The following SLC6A9 variants were observed in gnomAD, a reference collection of about 807,000 sequenced individuals.
SLC6A9 encodes the protein solute carrier family 6 member 9.
A neutral mutation model predicts 70.9 loss-of-function variants in SLC6A9; 31 were observed. The observed-to-expected ratio is 0.44, with a 90% CI of 0.33 to 0.59. The LOEUF (loss-of-function observed/expected upper bound fraction) is 0.59. Among genes scored for constraint, SLC6A9 ranks in the 20% least tolerant of loss-of-function variants. SLC6A9 has a pLI of 0.04. For synonymous variants in SLC6A9, 310 were observed against 341.3 expected (o/e 0.91, Z 1.01); for missense variants, 631 against 845.2 (o/e 0.75, Z 3.14).
intron 1 of SLC6A9, among the ~76,000 whole-genome samples, chr1:44,027,425 C>T (rs1355100122): frequency 1.3e-5 from 2 of 152,232 alleles, no homozygotes; most frequent in African/African-American, 4.8e-5. Flanking sequence ...ATGTTCCTCC[C>T]CTCCAATCTG....
At chr1:44,029,462 T>C (rs1208152027) in intron 1 of SLC6A9, among the ~76,000 whole-genome samples, 1 of 152,202 alleles carries the variant, frequency 6.6e-6, no homozygotes, top group Non-Finnish European at 1.5e-5. Context: ...TTCATGCCTT[T>C]GCCCCGGCAC....
intron 2 of SLC6A9, among the ~76,000 whole-genome samples, chr1:44,023,886 A>C (rs2086932744): frequency 6.6e-6 from 1 of 152,158 alleles, no homozygotes; most frequent in South Asian, 2.1e-4. Flanking sequence ...AGAAGTGGAG[A>C]AAAACCAGGC....
chr1:44,014,953 A>G (rs758139046), intron 2 of SLC6A9: 4 of 152,092 alleles, frequency 2.6e-5, no homozygotes, highest in Non-Finnish European at 4.4e-5. Context: ...GATCTGCCAG[A>G]TTCCCAGGCT....
At chr1:44,010,992 G>A (rs955073694) in intron 2 of SLC6A9, 110 bp from the exon 3 acceptor site, 2 of 1,156,482 alleles carry the variant, frequency 1.7e-6, no homozygotes, top group Non-Finnish European at 2.5e-6. Context: ...CCCCTCCCCG[G>A]GCTTCCCCTC....
intron 2 of SLC6A9, among the ~76,000 whole-genome samples, chr1:44,015,169 A>T (rs1557687951): frequency 6.6e-6 from 1 of 152,236 alleles, no homozygotes. Flanking sequence ...GTAAAGAGGA[A>T]ATGCAGCAAC....
rs549038505 is a variant in SLC6A9, at chr1:44,000,736, GGGGAAGGGAGGGGCCGGCCA to G, written c.1536+11_1536+30del. The G allele has an allele frequency of 5.2e-4, 737 of 1,418,098 alleles. 3 individuals are homozygous for G. The African/African-American group carries it at 9.7e-3, about 19-fold the overall frequency. 87.8% of individuals were successfully genotyped at this position (1,418,098 alleles called of 1,614,324 possible). The stretch of plus-strand genomic sequence containing the variant: ...ATGGACACATGGCCAAGGGGCAGCG[GGGGAAGGGAGGGGCCGGCCA>G]GGGAACTCACGAAGATGATGGCGGG... On this transcript the variant is annotated intron_variant, in intron 12 of 13. Transcript: ENST00000372310.
intron 12 of SLC6A9, among the ~76,000 whole-genome samples, chr1:43,998,418 C>T (rs982677317): frequency 2.6e-5 from 4 of 152,188 alleles, no homozygotes; most frequent in African/African-American, 9.7e-5. Flanking sequence ...CCACACTACT[C>T]CGCCCTCAGT....
At chr1:44,017,344 T>C in intron 2 of SLC6A9, 1 of 1,376,818 alleles carries the variant, frequency 7.3e-7, no homozygotes, top group African/African-American at 1.5e-5. Flanking sequence ...TGTTTTTCCC[T>C]TGTTCCCAGC....
intron 2 of SLC6A9, chr1:44,011,681 G>T (rs761647740): frequency 1.9e-6 from 3 of 1,614,096 alleles, no homozygotes; most frequent in Non-Finnish European, 2.5e-6. Context: ...CTCCAGAAAA[G>T]GGTGGCAGGA....
At chr1:44,010,509 G>A (rs1166611916) in intron 3 of SLC6A9, 1 of 474,620 alleles carries the variant, frequency 2.1e-6, no homozygotes, top group Non-Finnish European at 3.8e-6. Flanking sequence ...CTCAAAGGGG[G>A]CCAACTGGCA....
At chr1:44,016,063 T>C (rs764779599) in intron 2 of SLC6A9, among the ~76,000 whole-genome samples, 8 of 152,168 alleles carry the variant, frequency 5.3e-5, no homozygotes, top group Non-Finnish European at 7.4e-5. Flanking sequence ...CCTGCCAATA[T>C]TGTGGGCTGC....
Position 44,008,339 on chromosome 1 carries a change from T to C in SLC6A9, c.590+14A>G. ...ACCAGGTTCCCCCCACCCCAGGTCC[T>C]GCAGGTGCCTCACCTCCAGTACTCC... On this transcript the variant is annotated intron_variant, in intron 5 of 13. Transcript: ENST00000372310. 1.2e-6 allele frequency: 2 copies of C among 1,612,766 alleles called. No individual in the cohort carries two copies. Among genetic ancestry groups the C allele is most frequent in the Non-Finnish European group, 1.7e-6 (2 of 1,178,948 alleles).
In SLC6A9 at chr1:44,013,632, G is replaced by A. The variant is rs575435798; in HGVS notation, c.31-2750C>T. Among the ~76,000 whole-genome samples the A allele has an allele frequency of 2.2e-4, 33 of 152,298 alleles. No individual in the cohort carries two copies. Among genetic ancestry groups the A allele is most frequent in the Admixed American group, 3.3e-4 (5 of 15,306 alleles). On this transcript the variant is annotated intron_variant, in intron 2 of 13. Coordinates refer to ENST00000372310, the MANE Select transcript of SLC6A9 (RefSeq NM_001024845.3). The surrounding 1 kb of genome is among the most constrained non-coding windows in gnomAD (Gnocchi z 5.3). ...CCAGCACTGTGGCGCTCGACCACGG[G>A]AATCTGGCCCAGGCTTGGCCTCTGT...
At position 44,009,218 on chromosome 1, in the gene SLC6A9, GT is replaced by G. The variant is rs779227006; in HGVS notation, c.320-596del. ...ATTTTGTATTTTTAGTAGAGATGGGGTTTCCTTTTTTTTTTTTTTGACATGG... is the reference window on the plus strand; with the variant it reads ...ATTTTGTATTTTTAGTAGAGATGGGGTTCCTTTTTTTTTTTTTTGACATGG... On this transcript the variant is annotated intron_variant, in intron 4 of 13. Coordinates refer to ENST00000372310, the MANE Select transcript of SLC6A9 (RefSeq NM_001024845.3). 4.0e-4 allele frequency among the ~76,000 whole-genome samples: 57 copies of G among 143,206 alleles called. 1 individual carries two copies. Among genetic ancestry groups the G allele is most frequent in the East Asian group, 3.3e-3 (16 of 4,872 alleles). The allele number at this position is 143,206 out of a possible 152,430, so 93.9% of individuals were successfully genotyped here. A position where few individuals can be genotyped will look rare whatever the true frequency, so the allele number is the denominator to read the frequency against.
Position 43,997,291 on chromosome 1 carries a change from T to G in SLC6A9, c.*254A>C. 1.9e-6 allele frequency: 1 copy of G among 523,804 alleles called. No individual in the cohort carries two copies. Among genetic ancestry groups the G allele is most frequent in the Non-Finnish European group, 3.4e-6 (1 of 295,848 alleles). The allele number at this position is 523,804 out of a possible 1,614,324, so 32.4% of individuals were successfully genotyped here. On this transcript the variant is annotated 3_prime_UTR_variant, in exon 14 of 14. Coordinates refer to ENST00000372310, the MANE Select transcript of SLC6A9 (RefSeq NM_001024845.3). This position sits in a 1 kb window ranked among gnomAD's most constrained non-coding sequence, Gnocchi z 4.4. ...TGCTGGGGACCTGGCCCGAGACCCC[T>G]CCAAAGTGCTTTGGACCTCCCAGCA... is the stretch of plus-strand genomic sequence containing the variant.
At chr1:44,022,706 CTTTCTTTCTTTCTTTCTTTT>C (rs1253774295) in intron 2 of SLC6A9, among the ~76,000 whole-genome samples, 1 of 80,596 alleles carries the variant, frequency 1.2e-5, no homozygotes, top group African/African-American at 1.4e-4. Flanking sequence ...ATTTTTCTTT[CTTTCTTTCTTTCTTTCTTTT>C]TTTTTTTTTT....
chr1:44,008,233 T>G (rs2086392370), intron 5 of SLC6A9, 120 bp downstream of exon 5: 1 of 977,194 alleles, frequency 1.0e-6, no homozygotes, highest in South Asian at 1.4e-5. Flanking sequence ...CTCTACCCTC[T>G]CCCAGCCCAG....
At chr1:44,003,748 C>CA (rs34308293) in intron 5 of SLC6A9, among the ~76,000 whole-genome samples, 6,048 of 71,718 alleles carry the variant, frequency 0.084, 241 homozygotes, top group Middle Eastern at 0.17. Flanking sequence ...AGTCCAATCT[C>CA]AAAAAAAAAA....
intron 4 of SLC6A9, 120 bp downstream of exon 4, chr1:44,009,845 G>A: frequency 8.3e-6 from 10 of 1,204,128 alleles, no homozygotes; most frequent in Non-Finnish European, 1.2e-5. Flanking sequence ...TGGGGCTTGG[G>A]GTCAGCATCA....
Sources: gnomAD v4.1 joint callset for allele counts (sites outside exome capture counted in the v4.1 genomes callset) on GRCh38, gnomAD v4.1.1 for gene constraint, Gnocchi (gnomAD v3.1) non-coding constraint, MANE v1.5 for transcripts, NCBI Gene and HGNC (gene_info 2026-07-23, HGNC 2026-07-21) for gene names.